MARCHF1: variants seen among roughly 807,000 people sequenced by gnomAD.
MARCHF1 encodes E3 ubiquitin-protein ligase MARCHF1.
MARCHF1 carries 40 observed loss-of-function variants against 54.2 expected under a neutral mutation model. That is an observed-to-expected ratio of 0.74 (90% CI 0.57 to 0.96). The LOEUF is 0.96. MARCHF1 is among the 40% of genes least tolerant of loss of function. MARCHF1 has a pLI of 0.00. For synonymous variants in MARCHF1, 236 were observed against 236.3 expected, an observed-to-expected ratio of 1.00 and a Z score of 0.01; for missense variants, 586 against 656.5, an observed-to-expected ratio of 0.89 and a Z score of 1.17.
At chr4:163,716,602 G>A (rs535317774) in intron 4 of MARCHF1, among the ~76,000 whole-genome samples, 1 of 152,336 alleles carries the variant, frequency 6.6e-6, no homozygotes, top group South Asian at 2.1e-4. Context: ...AGTGGTGTTT[G>A]TTATTGTAGT....
At chr4:164,065,028 G>C (rs577520357) in intron 2 of MARCHF1, among the ~76,000 whole-genome samples, 13 of 152,118 alleles carry the variant, frequency 8.5e-5, no homozygotes, top group Non-Finnish European at 1.5e-4. Flanking sequence ...TGAGCTTTTT[G>C]ATGTGTTGCT....
At chr4:163,832,582 ATATTAT>A (rs5863633) in intron 4 of MARCHF1, among the ~76,000 whole-genome samples, 66 of 147,632 alleles carry the variant, frequency 4.5e-4, no homozygotes, top group Middle Eastern at 7.0e-3. Flanking sequence ...TGGATCCAAA[ATATTAT>A]TATTATTATT....
At chr4:163,627,572 G>A (rs1032635775) in intron 5 of MARCHF1, among the ~76,000 whole-genome samples, 2 of 152,204 alleles carry the variant, frequency 1.3e-5, no homozygotes, top group African/African-American at 2.4e-5. Context: ...TTGGGCCTTC[G>A]ATGTCAGGTT....
At chr4:164,306,394 T>A (rs1371071113) in intron 1 of MARCHF1, among the ~76,000 whole-genome samples, 1 of 152,142 alleles carries the variant, frequency 6.6e-6, no homozygotes, top group Non-Finnish European at 1.5e-5. Context: ...ACACTCCAAG[T>A]TAGAAACAAG....
intron 1 of MARCHF1, among the ~76,000 whole-genome samples, chr4:164,217,948 T>C (rs956286116): frequency 1.3e-5 from 2 of 152,004 alleles, no homozygotes; most frequent in Non-Finnish European, 2.9e-5. Flanking sequence ...CAAAAAAAGA[T>C]GGCCTAACTT....
intron 7 of MARCHF1, among the ~76,000 whole-genome samples, chr4:163,594,314 G>A (rs1396514335): frequency 6.6e-6 from 1 of 151,662 alleles, no homozygotes; most frequent in East Asian, 1.9e-4. Context: ...GAGCATGAAA[G>A]TTCTTACTCC....
In MARCHF1 at chr4:163,883,258, TGAGAGA is replaced by T. The variant is rs55714281; in HGVS notation, c.-38-29095_-38-29090del. On this transcript the variant is annotated intron_variant, in intron 3 of 9. Transcript: ENST00000514618. ...GTATATGTGTGTGTATATATATATA[TGAGAGA>T]GAGAGAGAGAGAGAGAGAGAGATTA... Among the ~76,000 whole-genome samples the T allele has an allele frequency of 5.5e-3, 805 of 145,130 alleles. 4 individuals are homozygous for T. The highest frequency in any genetic ancestry group is 0.018 in the African/African-American group (700 of 39,386).
chr4:164,160,225 A>C (rs1730194574), intron 1 of MARCHF1, among the ~76,000 whole-genome samples: 1 of 152,116 alleles, frequency 6.6e-6, no homozygotes, highest in African/African-American at 2.4e-5. Flanking sequence ...TGATTTCCTC[A>C]TCTTGTGAAT....
rs148486476 is a variant in MARCHF1, at chr4:164,342,037, T to C, written c.-323+41833A>G. Among the ~76,000 whole-genome samples the C allele has an allele frequency of 4.6e-3, 707 of 152,208 alleles. 6 individuals carry two copies. The highest frequency in any genetic ancestry group is 0.016 in the African/African-American group (660 of 41,530). On this transcript the variant is annotated intron_variant, in intron 1 of 9. Coordinates refer to ENST00000514618, the MANE Select transcript of MARCHF1 (RefSeq NM_001394959.1). ...AGGTAAAAGATTTGTGTATTGAAAA[T>C]GTTTGCAAACCCCGTATCCACTAAA...
intron 1 of MARCHF1, among the ~76,000 whole-genome samples, chr4:164,307,438 T>G (rs914635661): frequency 2.6e-5 from 4 of 152,150 alleles, no homozygotes; most frequent in Admixed American, 1.3e-4. Context: ...AATGGATGTG[T>G]CAATAGCTGA....
chr4:164,086,916 T>C (rs1157837937), intron 2 of MARCHF1, among the ~76,000 whole-genome samples: 1 of 152,052 alleles, frequency 6.6e-6, no homozygotes, highest in Non-Finnish European at 1.5e-5. Context: ...GACAATAAAA[T>C]CAAATAAAAA....
At chr4:164,026,283 A>C (rs912348742) in intron 2 of MARCHF1, among the ~76,000 whole-genome samples, 2 of 152,106 alleles carry the variant, frequency 1.3e-5, no homozygotes, top group African/African-American at 4.8e-5. Context: ...ACACAGTGAA[A>C]AAGAAAACTT....
At chr4:164,358,833 A>G (rs1311241605) in intron 1 of MARCHF1, among the ~76,000 whole-genome samples, 2 of 152,168 alleles carry the variant, frequency 1.3e-5, no homozygotes, top group Admixed American at 6.5e-5. Flanking sequence ...GCTTTTTCTG[A>G]CTACTGATAA....
chr4:164,221,054 C>T (rs1033817029), intron 1 of MARCHF1, among the ~76,000 whole-genome samples: 6 of 151,848 alleles, frequency 4.0e-5, no homozygotes, highest in African/African-American at 1.2e-4. Flanking sequence ...TGATTTTAAC[C>T]TTCAAAATAT....
chr4:164,106,992 G>C (rs979623508), intron 2 of MARCHF1, among the ~76,000 whole-genome samples: 1 of 152,082 alleles, frequency 6.6e-6, no homozygotes, highest in Non-Finnish European at 1.5e-5. Flanking sequence ...TCGTATTGAG[G>C]ATACAGGCTA....
At chr4:164,337,292 C>T (rs1037695425) in intron 1 of MARCHF1, among the ~76,000 whole-genome samples, 14 of 152,196 alleles carry the variant, frequency 9.2e-5, no homozygotes, top group Admixed American at 8.5e-4. Flanking sequence ...TGTTGGATCA[C>T]AAAAATCTGA....
chr4:163,528,845 G>C lies in MARCHF1; in HGVS notation c.1541C>G (p.Thr514Arg), dbSNP rs1738240902. The change falls in exon 10 of 10, where the codon ACA (threonine) becomes AGA (arginine). Residue 514 changes from threonine (T) to arginine (R), a missense_variant. Thr to Arg is a moderately conservative substitution (Grantham distance 71). This residue lies in a region of MARCHF1 where 106 missense variants were observed against 93.8 expected (regional missense o/e 1.13). Transcript: ENST00000514618. The stretch of plus-strand genomic sequence containing the variant: ...CACTACCACAGCATCTTTGATGTCT[G>C]TGTTTACATTACATGAGAAGTTCTT... ...LEKNFSCNVNTDIKDAVVVPV... is the reference protein window; with the variant it reads ...LEKNFSCNVNRDIKDAVVVPV... The C allele has an allele frequency of 6.2e-7, 1 of 1,613,258 alleles. No individual in the cohort carries two copies. Among genetic ancestry groups the C allele is most frequent in the African/African-American group, 1.3e-5 (1 of 74,888 alleles).
chr4:163,692,994 C>T (rs530024501), intron 5 of MARCHF1, among the ~76,000 whole-genome samples: 1 of 151,516 alleles, frequency 6.6e-6, no homozygotes, highest in African/African-American at 2.4e-5. Flanking sequence ...ATTCATCTGG[C>T]ATGGACGTTA....
At chr4:163,758,203 C>G (rs1746732915) in intron 4 of MARCHF1, among the ~76,000 whole-genome samples, 1 of 152,168 alleles carries the variant, frequency 6.6e-6, no homozygotes, top group Non-Finnish European at 1.5e-5. Flanking sequence ...ATGAGGGAGT[C>G]TGGAAGGCAG....
Sources: gnomAD v4.1 joint callset for allele counts (sites outside exome capture counted in the v4.1 genomes callset) on GRCh38, gnomAD v4.1.1 for gene constraint, gnomAD v4.1.1 regional missense constraint, MANE v1.5 for transcripts, NCBI Gene and HGNC (gene_info 2026-07-23, HGNC 2026-07-21) for gene names.